MSH3: variants seen among roughly 807,000 people sequenced by gnomAD.
MSH3 encodes mutS homolog 3, also known as DNA mismatch repair protein Msh3.
MSH3 carries 106 observed loss-of-function variants against 123.3 expected under a neutral mutation model. That is an observed-to-expected ratio of 0.86 (90% confidence interval 0.73 to 1.01). The LOEUF is 1.01. Among genes scored for constraint, MSH3 ranks in the 50% least tolerant of loss-of-function variants. The pLI is 0.00. For synonymous variants in MSH3, 515 were observed against 481.4 expected (o/e 1.07, Z -0.91); for missense variants, 1,459 against 1,347.6 (o/e 1.08, Z -1.29).
chr5:80,822,869 C>A (rs142894174), intron 20 of MSH3, among the ~76,000 whole-genome samples: 1 of 152,164 alleles, frequency 6.6e-6, no homozygotes, highest in Non-Finnish European at 1.5e-5. Flanking sequence ...TATCTCATGA[C>A]TCAGGAACAG....
chr5:80,775,931 C>G (rs531313569), intron 16 of MSH3, among the ~76,000 whole-genome samples, 173 bp downstream of exon 16: 1 of 151,744 alleles, frequency 6.6e-6, no homozygotes, highest in East Asian at 1.9e-4. Context: ...GCTCTGTCAC[C>G]CAGGCTGGAG....
At chr5:80,683,093 T>G (rs1268326562) in intron 8 of MSH3, among the ~76,000 whole-genome samples, 1 of 152,248 alleles carries the variant, frequency 6.6e-6, no homozygotes, top group Non-Finnish European at 1.5e-5. Flanking sequence ...ACATTTTCTT[T>G]ACCCATTTGT....
chr5:80,661,870 G>A (rs74588959), intron 2 of MSH3, among the ~76,000 whole-genome samples: 1,960 of 152,172 alleles, frequency 0.013, 16 homozygotes, highest in South Asian at 0.045. Context: ...TTTAAACTTC[G>A]GTAGAGAATA....
At chr5:80,732,133 A>G (rs1463311908) in intron 10 of MSH3, among the ~76,000 whole-genome samples, 2 of 152,168 alleles carry the variant, frequency 1.3e-5, no homozygotes, top group Admixed American at 6.5e-5. Context: ...AGTTTGTTTC[A>G]AAGAAAAATA....
chr5:80,668,500 A>G (rs1441123631), intron 3 of MSH3, among the ~76,000 whole-genome samples: 3 of 152,156 alleles, frequency 2.0e-5, no homozygotes, highest in African/African-American at 7.2e-5. Flanking sequence ...ATCAGTGTCC[A>G]AAGTCCAGAG....
At chr5:80,715,385 C>T (rs960022032) in intron 8 of MSH3, 1 of 152,106 alleles carries the variant, frequency 6.6e-6, no homozygotes, top group African/African-American at 2.4e-5. Flanking sequence ...GAATGGAGAC[C>T]TGAGGAAGGT....
rs1443981877 is a variant in MSH3 at position 80,778,800 on chromosome 5, T to A, written c.2399T>A (p.Val800Asp). The A allele has an allele frequency of 1.2e-6, 2 of 1,608,160 alleles. No homozygotes were observed. The highest frequency in any genetic ancestry group is 2.2e-5 in the East Asian group (1 of 44,838). Residue 800 changes from valine to aspartate, a missense_variant, in exon 17 of 24, where the codon GTC (valine) becomes GAC (aspartate). Transcript: ENST00000265081. ...RHLNQLREQLVLDCSAEWLDF... is the reference protein window; with the variant it reads ...RHLNQLREQLDLDCSAEWLDF... Reference sequence around the variant, plus strand: ...CTGAATCAGCTCCGGGAGCAGCTAGTCCTTGACTGCAGTGCTGAATGGCTT... The same window carrying A: ...CTGAATCAGCTCCGGGAGCAGCTAGACCTTGACTGCAGTGCTGAATGGCTT...
chr5:80,715,755 G>A (rs1750947166), intron 8 of MSH3, among the ~76,000 whole-genome samples: 1 of 151,978 alleles, frequency 6.6e-6, no homozygotes, highest in South Asian at 2.1e-4. Context: ...AGAGGGGGAG[G>A]TGCCATACAC....
At chr5:80,762,770 A>AAT (rs1238821415) in intron 13 of MSH3, among the ~76,000 whole-genome samples, 3 of 144,284 alleles carry the variant, frequency 2.1e-5, no homozygotes, top group African/African-American at 8.0e-5. Context: ...ATTTTATTTT[A>AAT]TTTTAATTTT....
intron 8 of MSH3, among the ~76,000 whole-genome samples, chr5:80,698,431 A>G (rs1750532862): frequency 6.6e-6 from 1 of 152,174 alleles, no homozygotes; most frequent in South Asian, 2.1e-4. Context: ...AATAATTGTA[A>G]TGAAAGCGCT....
At chr5:80,777,478 A>T (rs901818593) in intron 16 of MSH3, among the ~76,000 whole-genome samples, 1 of 152,338 alleles carries the variant, frequency 6.6e-6, no homozygotes, top group Non-Finnish European at 1.5e-5. Context: ...TAACTGAAAT[A>T]TCTCCCTAAA....
Position 80,854,012 on chromosome 5 carries a change from T to A in MSH3, c.2814-118T>A. The A allele has an allele frequency of 9.5e-6, 8 of 839,774 alleles. No homozygotes were observed. In the South Asian group the frequency reaches 1.3e-4, roughly 14 times the overall value. The allele number at this position is 839,774 out of a possible 1,614,324, so 52.0% of individuals were successfully genotyped here. A position where few individuals can be genotyped will look rare whatever the true frequency, so the allele number is the denominator to read the frequency against. Reference sequence around the variant, plus strand: ...TTGTTTAATTTAATTTGAGCTATTATTGGCTCAAAATATATAGATTCTTAG... The same window carrying A: ...TTGTTTAATTTAATTTGAGCTATTAATGGCTCAAAATATATAGATTCTTAG... On this transcript the variant is annotated intron_variant, in intron 20 of 23. Coordinates refer to ENST00000265081, the MANE Select transcript of MSH3 (RefSeq NM_002439.5).
chr5:80,734,302 G>T (rs1464842981), intron 10 of MSH3, among the ~76,000 whole-genome samples: 1 of 152,120 alleles, frequency 6.6e-6, no homozygotes, highest in Non-Finnish European at 1.5e-5. Flanking sequence ...TTGGGTTGTT[G>T]GGGGGAATGG....
At chr5:80,722,080 T>G (rs1751093861) in intron 8 of MSH3, among the ~76,000 whole-genome samples, 1 of 152,242 alleles carries the variant, frequency 6.6e-6, no homozygotes, top group Non-Finnish European at 1.5e-5. Flanking sequence ...TAAATCCTTC[T>G]TTCTGAATTT....
chr5:80,804,222 T>G (rs896705689), intron 19 of MSH3, among the ~76,000 whole-genome samples: 1 of 152,354 alleles, frequency 6.6e-6, no homozygotes, highest in South Asian at 2.1e-4. Flanking sequence ...GTGTCCTCTT[T>G]AATTTTTTGC....
intron 15 of MSH3, among the ~76,000 whole-genome samples, chr5:80,770,972 G>C (rs1205874124): frequency 6.6e-6 from 1 of 152,146 alleles, no homozygotes; most frequent in African/African-American, 2.4e-5. Flanking sequence ...AGGAAGATCA[G>C]TTATCTTTTA....
At chr5:80,794,823 G>C (rs6151857) in intron 19 of MSH3, among the ~76,000 whole-genome samples, 70 of 152,176 alleles carry the variant, frequency 4.6e-4, no homozygotes, top group African/African-American at 1.6e-3. Flanking sequence ...GAAGTTTATA[G>C]ATAGCTTAGA....
intron 8 of MSH3, among the ~76,000 whole-genome samples, chr5:80,700,519 T>TA (rs922478745): frequency 6.6e-6 from 1 of 152,192 alleles, no homozygotes; most frequent in Non-Finnish European, 1.5e-5. Flanking sequence ...TTTTAAAAAT[T>TA]ACATTAATTT....
rs748277457 is a variant in MSH3, at chr5:80,875,739, A to AT, written c.3303-7dup. The AT allele has an allele frequency of 6.6e-6, 10 of 1,525,712 alleles. No homozygotes were observed. The South Asian group carries it at 1.0e-4, about 15-fold the overall frequency. 94.5% of individuals were successfully genotyped at this position (1,525,712 alleles called of 1,614,324 possible). A position where few individuals can be genotyped will look rare whatever the true frequency, so the allele number is the denominator to read the frequency against. On this transcript the variant is annotated splice_polypyrimidine_tract_variant and intron_variant, in intron 23 of 23. Coordinates refer to ENST00000265081, the MANE Select transcript of MSH3 (RefSeq NM_002439.5). ...TCATTTATTAAATAAGTAGTATTTG[A>AT]TTTTTCCCCAGAAAGAGACTCAAGT...
Sources: gnomAD v4.1 joint callset for allele counts (sites outside exome capture counted in the v4.1 genomes callset) on GRCh38, gnomAD v4.1.1 for gene constraint, MANE v1.5 for transcripts, NCBI Gene and HGNC (gene_info 2026-07-23, HGNC 2026-07-21) for gene names.